Variants in DLG2 observed in about 807,000 individuals in gnomAD.
The protein encoded by DLG2 is discs large MAGUK scaffold protein 2.
DLG2 carries 45 observed loss-of-function variants against 132.5 expected under a neutral mutation model. The observed-to-expected ratio is 0.34, with a 90% confidence interval of 0.27 to 0.44. The LOEUF (loss-of-function observed/expected upper bound fraction) is 0.44. DLG2 is among the 20% of genes least tolerant of loss of function. The probability of loss-of-function intolerance (pLI) is 1.00; values close to 1 mark genes in which losing one functional copy is unlikely to be tolerated. For missense variants in DLG2, 1,045 were observed against 1,196.9 expected, an observed-to-expected ratio of 0.87 and a Z score of 1.87; for synonymous variants, 424 against 419.6, an observed-to-expected ratio of 1.01 and a Z score of -0.13.
At chr11:83,493,528 A>G (rs1051705798) in intron 21 of DLG2, among the ~76,000 whole-genome samples, 1 of 152,104 alleles carries the variant, frequency 6.6e-6, no homozygotes, top group African/African-American at 2.4e-5. Flanking sequence ...GGTGCCTTAG[A>G]ACATGTACAT....
chr11:85,174,218 G>T (rs1425081000), intron 4 of DLG2, among the ~76,000 whole-genome samples: 5 of 152,060 alleles, frequency 3.3e-5, no homozygotes, highest in African/African-American at 1.2e-4. Flanking sequence ...CACATAAATG[G>T]AAGTAAAACA....
intron 6 of DLG2, among the ~76,000 whole-genome samples, chr11:84,810,558 T>C (rs959234977): frequency 2.0e-5 from 3 of 152,164 alleles, no homozygotes; most frequent in African/African-American, 7.2e-5. Context: ...ACAACCACTC[T>C]TGAAAACAGT....
In DLG2 at chr11:84,059,185, G is replaced by A. The variant is rs552710556; in HGVS notation, c.919+130C>T. The A allele has an allele frequency of 1.1e-5, 9 of 838,048 alleles. No homozygotes were observed. In the East Asian group the frequency reaches 2.2e-4, roughly 21 times the overall value. 51.9% of individuals were successfully genotyped at this position (838,048 alleles called of 1,614,324 possible). On this transcript the variant is annotated intron_variant, in intron 11 of 27. Coordinates refer to ENST00000376104, the MANE Select transcript of DLG2 (RefSeq NM_001142699.3). ...TCCTTTACCCTTTGTAACCACTACTGTAGGATTTTAAATCTCTTGGTAAGC... is the reference window on the plus strand; with the variant it reads ...TCCTTTACCCTTTGTAACCACTACTATAGGATTTTAAATCTCTTGGTAAGC...
intron 3 of DLG2, among the ~76,000 whole-genome samples, chr11:85,418,308 C>T (rs745379723): frequency 1.3e-5 from 2 of 152,120 alleles, no homozygotes; most frequent in Non-Finnish European, 2.9e-5. Flanking sequence ...GTCTGAGAGA[C>T]TGTTTATTAT....
chr11:83,600,236 G>GGT (rs57674131), intron 19 of DLG2, among the ~76,000 whole-genome samples: 44,062 of 145,462 alleles, frequency 0.3, 7,350 homozygotes, highest in East Asian at 0.5. Flanking sequence ...CTAGCTATAG[G>GGT]GTGTGTGTGT....
At chr11:84,251,142 T>C (rs2097366513) in intron 8 of DLG2, 96 bp downstream of exon 8, 1 of 702,052 alleles carries the variant, frequency 1.4e-6, no homozygotes, top group Non-Finnish European at 2.3e-6. Flanking sequence ...TAAGATTATT[T>C]AGTTTGGGTG....
At chr11:83,511,089 C>CACACACACAG (rs1555134707) in intron 21 of DLG2, among the ~76,000 whole-genome samples, 1 of 137,660 alleles carries the variant, frequency 7.3e-6, no homozygotes, top group African/African-American at 3.1e-5. Context: ...CACACACAGA[C>CACACACACAG]ACACACACAC....
chr11:84,800,148 A>G (rs1299031690), intron 6 of DLG2, among the ~76,000 whole-genome samples: 6 of 152,234 alleles, frequency 3.9e-5, no homozygotes, highest in Non-Finnish European at 8.8e-5. Flanking sequence ...ATTGAACAAG[A>G]GAGTAAGACC....
intron 2 of DLG2, among the ~76,000 whole-genome samples, chr11:85,603,520 T>C (rs1167878873): frequency 6.6e-6 from 1 of 152,036 alleles, no homozygotes; most frequent in East Asian, 1.9e-4. Flanking sequence ...ACCTTTTTCT[T>C]TTCTCTCTCT....
At chr11:84,714,629 C>T (rs143976980) in intron 6 of DLG2, among the ~76,000 whole-genome samples, 125 of 103,460 alleles carry the variant, frequency 1.2e-3, no homozygotes, top group Middle Eastern at 8.4e-3. Flanking sequence ...CTCTTTCTCT[C>T]TCTCTCTCTC....
chr11:85,051,042 C>G (rs2062838699), intron 6 of DLG2, among the ~76,000 whole-genome samples: 1 of 152,114 alleles, frequency 6.6e-6, no homozygotes, highest in South Asian at 2.1e-4. Flanking sequence ...CAACAGATTT[C>G]AAAGTCATCA....
intron 6 of DLG2, among the ~76,000 whole-genome samples, chr11:84,878,020 T>C (rs562944317): frequency 6.6e-6 from 1 of 152,310 alleles, no homozygotes; most frequent in South Asian, 2.1e-4. Flanking sequence ...AGATACCATC[T>C]CATGCCAGTG....
intron 6 of DLG2, among the ~76,000 whole-genome samples, chr11:84,688,450 A>T (rs185976712): frequency 6.6e-6 from 1 of 152,320 alleles, no homozygotes; most frequent in African/African-American, 2.4e-5. Flanking sequence ...TTATGAAAAA[A>T]ATACACTTAC....
At chr11:85,488,411 A>C (rs1438684041) in intron 3 of DLG2, among the ~76,000 whole-genome samples, 7 of 151,828 alleles carry the variant, frequency 4.6e-5, no homozygotes, top group Non-Finnish European at 2.9e-5. Context: ...CAACAACAAC[A>C]ACCACAACAA....
chr11:85,128,990 G>GA (rs755330117), intron 5 of DLG2, among the ~76,000 whole-genome samples: 5 of 152,158 alleles, frequency 3.3e-5, no homozygotes, highest in African/African-American at 4.8e-5. Context: ...CGAAGATGAA[G>GA]AAATCAGTGT....
chr11:84,168,433 A>T (rs1402758401), intron 8 of DLG2, among the ~76,000 whole-genome samples: 3 of 152,202 alleles, frequency 2.0e-5, no homozygotes, highest in African/African-American at 7.2e-5. Context: ...AGCATCTAGC[A>T]CTACAATTGG....
At chr11:84,498,832 A>G (rs2099193441) in intron 7 of DLG2, among the ~76,000 whole-genome samples, 1 of 152,202 alleles carries the variant, frequency 6.6e-6, no homozygotes, top group Non-Finnish European at 1.5e-5. Flanking sequence ...TAACAAAATC[A>G]ATTACAAATA....
intron 6 of DLG2, among the ~76,000 whole-genome samples, chr11:84,678,960 C>T (rs1283170583): frequency 6.6e-6 from 1 of 151,932 alleles, no homozygotes; most frequent in Non-Finnish European, 1.5e-5. Flanking sequence ...TATGATTCTA[C>T]ATAAAAAAGT....
At chr11:85,378,830 C>T (rs573708081) in intron 3 of DLG2, among the ~76,000 whole-genome samples, 4 of 152,194 alleles carry the variant, frequency 2.6e-5, no homozygotes, top group Non-Finnish European at 2.9e-5. Flanking sequence ...AGATTTCATA[C>T]ATAACAAAAG....
Sources: gnomAD v4.1 joint callset for allele counts (sites outside exome capture counted in the v4.1 genomes callset) on GRCh38, gnomAD v4.1.1 for gene constraint, MANE v1.5 for transcripts, NCBI Gene and HGNC (gene_info 2026-07-23, HGNC 2026-07-21) for gene names.